Variants in P4HA3 observed in about 807,000 individuals in gnomAD.
P4HA3 encodes prolyl 4-hydroxylase subunit alpha-3.
Under a neutral mutation model 66.7 loss-of-function variants are expected in P4HA3, and 60 were observed. The ratio of observed to expected loss-of-function variants is 0.90; its 90% CI spans 0.73 to 1.12. The LOEUF is 1.12. Ranked by LOEUF, P4HA3 falls within the 50% of genes most tolerant of loss-of-function variation. The pLI is 0.00. For synonymous variants in P4HA3, 263 were observed against 274.6 expected (o/e 0.96, Z 0.42); for missense variants, 683 against 685.8 (o/e 1.00, Z 0.05).
chr11:74,285,030 T>G (rs1056405661), intron 7 of P4HA3, among the ~76,000 whole-genome samples: 1 of 152,126 alleles, frequency 6.6e-6, no homozygotes, highest in African/African-American at 2.4e-5. Flanking sequence ...ATTACAAAGT[T>G]TAATTTATAA....
intron 5 of P4HA3, chr11:74,287,074 C>T: frequency 8.6e-7 from 1 of 1,161,478 alleles, no homozygotes; most frequent in Non-Finnish European, 1.1e-6. Context: ...CCCACAGGGC[C>T]CTTGGGAAAC....
At chr11:74,305,593 ACC>A (rs1861556423) in intron 1 of P4HA3, among the ~76,000 whole-genome samples, 1 of 152,184 alleles carries the variant, frequency 6.6e-6, no homozygotes. Flanking sequence ...GCCAACAGGA[ACC>A]ATTAGTGTAC....
chr11:74,302,234 C>T, intron 3 of P4HA3, 135 bp downstream of exon 3: 1 of 872,454 alleles, frequency 1.1e-6, no homozygotes, highest in Non-Finnish European at 1.7e-6. Context: ...TGTTTTCTTT[C>T]TCTGAAAATG....
intron 15 of P4HA3, chr11:74,251,913 A>T (rs767668928): frequency 2.6e-6 from 2 of 775,054 alleles, no homozygotes. Flanking sequence ...CTGTGCTCCC[A>T]CGGGTTGATG....
intron 4 of P4HA3, among the ~76,000 whole-genome samples, chr11:74,289,452 A>G (rs1256613317): frequency 6.6e-6 from 1 of 151,688 alleles, no homozygotes; most frequent in Non-Finnish European, 1.5e-5. Flanking sequence ...TTTTAATTTT[A>G]TTATTATTAT....
intron 3 of P4HA3, among the ~76,000 whole-genome samples, chr11:74,300,520 GAGGTGGGAGGATCACTTGAGCCCCCCC>G (rs896706566): frequency 6.6e-6 from 1 of 152,180 alleles, no homozygotes; most frequent in African/African-American, 2.4e-5. Flanking sequence ...TCGGGAGGCT[GAGGTGGGAGGATCACTTGAGCCCCCCC>G]AGGTGGGAGG....
intron 7 of P4HA3, among the ~76,000 whole-genome samples, chr11:74,284,019 C>T (rs1197984577): frequency 6.6e-6 from 1 of 152,218 alleles, no homozygotes; most frequent in African/African-American, 2.4e-5. Flanking sequence ...AGCCCAGCAC[C>T]CAGGCCAGTG....
downstream of P4HA3, among the ~76,000 whole-genome samples, chr11:74,264,993 G>A (rs888791570): frequency 1.3e-5 from 2 of 152,162 alleles, no homozygotes. Context: ...GCCAGTCTGT[G>A]GCACTCTCAA....
At chr11:74,278,835 C>A (rs929146739) in intron 8 of P4HA3, among the ~76,000 whole-genome samples, 1 of 152,124 alleles carries the variant, frequency 6.6e-6, no homozygotes, top group Admixed American at 6.5e-5. Context: ...CTGGCCTCCC[C>A]CCAAGGATGC....
In P4HA3 at chr11:74,276,582, C is replaced by T. The variant is rs569678083; in HGVS notation, c.1335+403G>A. On this transcript the variant is annotated intron_variant, in intron 9 of 12. Coordinates refer to ENST00000331597, the MANE Select transcript of P4HA3 (RefSeq NM_182904.5). Reference sequence around the variant, plus strand: ...AAAAAAATAAATACATAAATAAATACGTAAATAAAAAACAAGCACATGTAC... The same window carrying T: ...AAAAAAATAAATACATAAATAAATATGTAAATAAAAAACAAGCACATGTAC... Among the ~76,000 whole-genome samples, 5 of 151,908 alleles carry T rather than the reference C, an allele frequency of 3.3e-5. No individual in the cohort carries two copies. In the South Asian group the frequency reaches 1.0e-3, roughly 32 times the overall value.
At chr11:74,269,822 T>G in intron 10 of P4HA3, 102 bp from the exon 11 acceptor site, 1 of 1,169,548 alleles carries the variant, frequency 8.6e-7, no homozygotes, top group Non-Finnish European at 1.2e-6. Context: ...TGGTCTTTTC[T>G]TCAACTCTGA....
chr11:74,255,955 C>A (rs190314565), intron 15 of P4HA3: 65 of 516,358 alleles, frequency 1.3e-4, no homozygotes, highest in African/African-American at 1.2e-3. Flanking sequence ...GCTATGTGCC[C>A]TCTTGTCCAC....
At chr11:74,287,825 T>A (rs1860851409) in intron 5 of P4HA3, among the ~76,000 whole-genome samples, 1 of 152,178 alleles carries the variant, frequency 6.6e-6, no homozygotes, top group Admixed American at 6.5e-5. Flanking sequence ...GAGACCAGCC[T>A]GGCCAACATG....
rs1186280514 is a variant in P4HA3, at chr11:74,287,110, G to GCCCACCTGTTTGTA, written c.770-733_770-720dup. On this transcript the variant is annotated intron_variant, in intron 5 of 12. Coordinates refer to ENST00000331597, the MANE Select transcript of P4HA3 (RefSeq NM_182904.5). The stretch of plus-strand genomic sequence containing the variant: ...CCAATAAATCTTGTGTCTTGTTTGT[G>GCCCACCTGTTTGTA]CCCACCTGTTTGTACCCACTTTGGC... The GCCCACCTGTTTGTA allele has an allele frequency of 2.4e-5, 28 of 1,190,098 alleles. No individual in the cohort carries two copies. In the South Asian group the frequency reaches 4.3e-4, roughly 18 times the overall value. 73.7% of individuals were successfully genotyped at this position (1,190,098 alleles called of 1,614,324 possible). A position where few individuals can be genotyped will look rare whatever the true frequency, so the allele number is the denominator to read the frequency against.
At chr11:74,254,829 T>C (rs1859792996) in intron 15 of P4HA3, 1 of 152,554 alleles carries the variant, frequency 6.6e-6, no homozygotes, top group Admixed American at 6.5e-5. Context: ...CAGTGTGTTA[T>C]GCTCTGCCTG....
chr11:74,252,251 G>GTTTT lies in P4HA3; in HGVS notation c.*1319-4254_*1319-4251dup, dbSNP rs1249533305. On this transcript the variant is annotated intron_variant and NMD_transcript_variant, in intron 15 of 15. Coordinates refer to the P4HA3 transcript ENST00000524388. ...CCCGGCTAATTTTGTTTTTTTTTTTGTTTTTTTTTTTTTTTAGTAAAGATG... is the reference window on the plus strand; with the variant it reads ...CCCGGCTAATTTTGTTTTTTTTTTTGTTTTTTTTTTTTTTTTTTTAGTAAAGATG... 7.0e-3 allele frequency among the ~76,000 whole-genome samples: 825 copies of GTTTT among 118,454 alleles called. 6 individuals are homozygous for GTTTT. Among genetic ancestry groups the GTTTT allele is most frequent in the African/African-American group, 0.023 (748 of 32,186 alleles). The allele number at this position is 118,454 out of a possible 152,430, so 77.7% of individuals were successfully genotyped here.
chr11:74,310,977 CTG>C (rs1861721634), intron 1 of P4HA3, among the ~76,000 whole-genome samples: 1 of 152,240 alleles, frequency 6.6e-6, no homozygotes, highest in African/African-American at 2.4e-5. Context: ...GCACCGTCCA[CTG>C]TGTCTGTGTC....
intron 4 of P4HA3, among the ~76,000 whole-genome samples, chr11:74,294,177 C>T (rs918634523): frequency 3.3e-5 from 5 of 152,048 alleles, no homozygotes; most frequent in Admixed American, 6.6e-5. Flanking sequence ...AACTTCTCTC[C>T]TCGCTTCGTT....
intron 9 of P4HA3, among the ~76,000 whole-genome samples, chr11:74,276,702 CAA>C (rs1860409451): frequency 6.6e-6 from 1 of 152,114 alleles, no homozygotes; most frequent in Admixed American, 6.5e-5. Context: ...GGAGGAAGGA[CAA>C]TCCTCACTAG....
Sources: gnomAD v4.1 joint callset for allele counts (sites outside exome capture counted in the v4.1 genomes callset) on GRCh38, gnomAD v4.1.1 for gene constraint, MANE v1.5 for transcripts, NCBI Gene and HGNC (gene_info 2026-07-23, HGNC 2026-07-21) for gene names.